The following CHD1 variants were observed in gnomAD, a reference collection of about 807,000 sequenced individuals.
CHD1 encodes ATP-dependent chromatin remodeler CHD1.
CHD1 carries 36 observed loss-of-function variants against 224.2 expected under a neutral mutation model. The observed-to-expected ratio is 0.16, with a 90% CI of 0.12 to 0.21. The LOEUF is 0.21. Ranked by LOEUF, CHD1 falls within the 10% of genes least tolerant of loss-of-function variation. The pLI is 1.00. For missense variants in CHD1, 1,378 were observed against 1,994.8 expected, an observed-to-expected ratio of 0.69 and a Z score of 5.89; for synonymous variants, 668 against 658.3, an observed-to-expected ratio of 1.01 and a Z score of -0.23.
Position 98,926,438 on chromosome 5 carries a change from A to G in CHD1, c.-52T>C. 1.0e-6 allele frequency: 1 copy of G among 997,558 alleles called. No homozygotes were observed. Among genetic ancestry groups the G allele is most frequent in the South Asian group, 1.7e-5 (1 of 58,034 alleles). The allele number at this position is 997,558 out of a possible 1,614,324, so 61.8% of individuals were successfully genotyped here. ...AGTAAAATATAAATCTTCCCAGTTT[A>G]AAAGATGAATATAAATACTGACTCC... is the stretch of plus-strand genomic sequence containing the variant. On this transcript the variant is annotated 5_prime_UTR_variant, in exon 2 of 36. Transcript: ENST00000614616.
chr5:98,889,891 C>T (rs1174790546), intron 15 of CHD1: 3 of 152,094 alleles, frequency 2.0e-5, no homozygotes, highest in Non-Finnish European at 4.4e-5. Flanking sequence ...AAATAATGCC[C>T]TTCAAATAAA....
intron 17 of CHD1, chr5:98,885,971 ATGTT>A (rs1340097678): frequency 4.4e-6 from 1 of 225,914 alleles, no homozygotes; most frequent in Non-Finnish European, 8.6e-6. Flanking sequence ...ATGATATACT[ATGTT>A]ATACTCTCAT....
At chr5:98,920,045 C>CA (rs1431795840) in intron 2 of CHD1, among the ~76,000 whole-genome samples, 1 of 151,840 alleles carries the variant, frequency 6.6e-6, no homozygotes, top group African/African-American at 2.4e-5. Flanking sequence ...ATTTAAGTAA[C>CA]AAAAAAGTCA....
In CHD1 at chr5:98,905,030, T is replaced by C; in HGVS notation, c.122A>G (p.Asp41Gly). ...GCTACCTGACTGGCTACTGCTTCCATCACTACTGCTTCCAGAACTCGAACC... is the reference window on the plus strand; with the variant it reads ...GCTACCTGACTGGCTACTGCTTCCACCACTACTGCTTCCAGAACTCGAACC... ...GSGSSSGSSS[D>G]GSSSQSGSSD... The change falls in exon 3 of 36, where the codon GAT (aspartate) becomes GGT (glycine). Residue 41 changes from aspartate (D) to glycine (G), a missense_variant. By Grantham distance (94) the Asp-to-Gly change is moderately conservative. This residue lies in a region of CHD1 where 306 missense variants were observed against 298.1 expected (regional missense o/e 1.03). Coordinates refer to ENST00000614616, the MANE Select transcript of CHD1 (RefSeq NM_001270.4). 1 of 1,572,022 alleles carries C rather than the reference T, an allele frequency of 6.4e-7. No individual in the cohort carries two copies. Among genetic ancestry groups the C allele is most frequent in the Non-Finnish European group, 8.8e-7 (1 of 1,141,514 alleles).
intron 30 of CHD1, 156 bp downstream of exon 30, chr5:98,869,598 A>AT: frequency 1.4e-6 from 1 of 723,864 alleles, no homozygotes; most frequent in Non-Finnish European, 2.3e-6. Context: ...GTTATGAACT[A>AT]TAAGTGCGTG....
chr5:98,893,646 G>T, intron 13 of CHD1, 40 bp from the exon 14 acceptor site: 2 of 1,335,406 alleles, frequency 1.5e-6, no homozygotes, highest in Non-Finnish European at 2.1e-6. Context: ...GAGAAAAACG[G>T]AATTCAAATT....
Position 98,903,099 on chromosome 5 carries a change from T to C in CHD1, c.373-135A>G, listed in dbSNP as rs1392682272. On this transcript the variant is annotated intron_variant, in intron 4 of 35. Coordinates refer to ENST00000614616, the MANE Select transcript of CHD1 (RefSeq NM_001270.4). ...GTGAAGCCTTTTTTCAATGTAGTTT[T>C]ATTTATGTTAACTAGCTGAAAGTAA... The C allele has an allele frequency of 2.7e-5, 14 of 509,628 alleles. No individual in the cohort carries two copies. In the South Asian group the frequency reaches 3.8e-4, roughly 14 times the overall value. The allele number at this position is 509,628 out of a possible 1,614,324, so 31.6% of individuals were successfully genotyped here. A position where few individuals can be genotyped will look rare whatever the true frequency, so the allele number is the denominator to read the frequency against.
intron 15 of CHD1, among the ~76,000 whole-genome samples, chr5:98,892,012 C>T (rs978658846): frequency 6.6e-6 from 1 of 152,132 alleles, no homozygotes; most frequent in African/African-American, 2.4e-5. Flanking sequence ...ATGCATGTAG[C>T]AATATATTTC....
rs1452970253 is a variant in CHD1, at chr5:98,872,045, A to G, written c.3861+6T>C. On this transcript the variant is annotated splice_donor_region_variant and intron_variant, in intron 28 of 35. Transcript: ENST00000614616. The stretch of plus-strand genomic sequence containing the variant: ...ATGGTTAACAGAATCAGAAATAGAT[A>G]AATACCTTGTGTGTTAGACTGAGGT... 1.2e-6 allele frequency: 2 copies of G among 1,601,014 alleles called. No individual in the cohort carries two copies. Among genetic ancestry groups the G allele is most frequent in the Non-Finnish European group, 1.7e-6 (2 of 1,172,804 alleles).
intron 31 of CHD1, among the ~76,000 whole-genome samples, chr5:98,867,765 G>A (rs1222065262): frequency 1.3e-5 from 2 of 151,114 alleles, no homozygotes; most frequent in Non-Finnish European, 2.9e-5. Flanking sequence ...CCAGCACCTG[G>A]GCCCACCTTG....
At chr5:98,879,232 A>G (rs1325052561) in intron 23 of CHD1, among the ~76,000 whole-genome samples, 1 of 152,188 alleles carries the variant, frequency 6.6e-6, no homozygotes, top group Non-Finnish European at 1.5e-5. Flanking sequence ...AGATGCTGTC[A>G]CCAAAGAAAA....
chr5:98,857,936 T>C (rs1417934734), intron 35 of CHD1, among the ~76,000 whole-genome samples: 1 of 152,116 alleles, frequency 6.6e-6, no homozygotes, highest in Non-Finnish European at 1.5e-5. Context: ...TTTATAATCA[T>C]ACAACTCCCT....
At chr5:98,901,749 T>TA (rs34642604) in intron 5 of CHD1, among the ~76,000 whole-genome samples, 39,650 of 141,710 alleles carry the variant, frequency 0.28, 5,552 homozygotes, top group Middle Eastern at 0.35. Context: ...ATAGAAAAAT[T>TA]AAAAAAAAAA....
chr5:98,884,404 A>C (rs113548044), intron 18 of CHD1, among the ~76,000 whole-genome samples: 548 of 152,224 alleles, frequency 3.6e-3, no homozygotes, highest in African/African-American at 0.012. Context: ...GAAGTAACTC[A>C]GGAATGGAAA....
chr5:98,911,146 A>AAAAAATATATATATATATAT (rs1491111295), intron 2 of CHD1, among the ~76,000 whole-genome samples: 1 of 39,144 alleles, frequency 2.6e-5, no homozygotes, highest in African/African-American at 1.2e-4. Context: ...AAAAAAAAAA[A>AAAAAATATATATATATATAT]ATATATATAT....
chr5:98,922,514 T>C (rs966717530), intron 2 of CHD1, among the ~76,000 whole-genome samples: 1 of 152,188 alleles, frequency 6.6e-6, no homozygotes, highest in African/African-American at 2.4e-5. Flanking sequence ...AACTGTAACC[T>C]GCAAATGCCA....
At chr5:98,857,789 A>T (rs1431762552) in intron 35 of CHD1, among the ~76,000 whole-genome samples, 1 of 151,996 alleles carries the variant, frequency 6.6e-6, no homozygotes, top group Admixed American at 6.6e-5. Flanking sequence ...ATTTTTCCCG[A>T]CTTTTTAAAA....
At chr5:98,890,963 A>T (rs1261197390) in intron 15 of CHD1, among the ~76,000 whole-genome samples, 1 of 152,190 alleles carries the variant, frequency 6.6e-6, no homozygotes, top group East Asian at 1.9e-4. Context: ...TAAACGTAAA[A>T]AAATTTTTTG....
intron 23 of CHD1, among the ~76,000 whole-genome samples, chr5:98,877,550 A>C (rs979834053): frequency 1.5e-4 from 23 of 152,228 alleles, no homozygotes; most frequent in African/African-American, 5.5e-4. Flanking sequence ...ACATCCATTA[A>C]TTTTAATAAG....
Sources: allele counts gnomAD v4.1 joint callset (sites outside exome capture counted in the v4.1 genomes callset), GRCh38; gene constraint gnomAD v4.1.1; regional missense constraint gnomAD v4.1.1; transcripts MANE v1.5; gene names NCBI Gene and HGNC (gene_info 2026-07-23, HGNC 2026-07-21).